WDR70: variants seen among roughly 807,000 people sequenced by gnomAD.
The protein encoded by WDR70 is WD repeat domain 70, also known as WD repeat-containing protein 70.
In WDR70, 53 loss-of-function variants were observed where a neutral mutation model predicts 88.6. That is an observed-to-expected ratio of 0.60 (90% CI 0.48 to 0.75). The LOEUF (loss-of-function observed/expected upper bound fraction) is 0.75. WDR70 is among the 30% of genes least tolerant of loss of function. The probability of loss-of-function intolerance (pLI) is 0.00; values close to 1 mark genes in which losing one functional copy is unlikely to be tolerated. For missense variants in WDR70, 610 were observed against 823.2 expected (o/e 0.74, Z 3.17); for synonymous variants, 280 against 270.0 (o/e 1.04, Z -0.36).
intron 9 of WDR70, among the ~76,000 whole-genome samples, chr5:37,575,282 C>T (rs1015421356): frequency 6.6e-6 from 1 of 152,082 alleles, no homozygotes; most frequent in East Asian, 1.9e-4. Context: ...TCCTAAAACC[C>T]TTGTAATTTT....
rs56377809 is a variant in WDR70, at chr5:37,503,206, C to T, written c.841-13308C>T. ...GGTATCAGGATGATAATACAGGCTT[C>T]ATAGAATGAGTTAGAGAGGATTCCC... On this transcript the variant is annotated intron_variant, in intron 8 of 17. Transcript: ENST00000265107. Among the ~76,000 whole-genome samples, 672 of 152,180 alleles carry T rather than the reference C, an allele frequency of 4.4e-3. 5 individuals carry two copies. Among genetic ancestry groups the T allele is most frequent in the Admixed American group, 6.9e-3 (105 of 15,290 alleles).
intron 10 of WDR70, among the ~76,000 whole-genome samples, chr5:37,634,736 T>A (rs1366961204): frequency 6.6e-6 from 1 of 152,160 alleles, no homozygotes; most frequent in Non-Finnish European, 1.5e-5. Flanking sequence ...CTACACAACT[T>A]GGTAAATGTT....
At chr5:37,721,271 T>C (rs1241985844) in intron 14 of WDR70, 56 bp downstream of exon 14, 17 of 1,431,638 alleles carry the variant, frequency 1.2e-5, no homozygotes, top group Non-Finnish European at 1.7e-5. Flanking sequence ...GGGGAGGGAT[T>C]TCCCTCCCAC....
At chr5:37,459,313 G>C (rs1738926969) in intron 7 of WDR70, among the ~76,000 whole-genome samples, 1 of 144,614 alleles carries the variant, frequency 6.9e-6, no homozygotes, top group Non-Finnish European at 1.5e-5. Context: ...TTTGATTTGG[G>C]GTGGAGAGTT....
At chr5:37,551,088 G>A (rs538563250) in intron 9 of WDR70, among the ~76,000 whole-genome samples, 2 of 151,812 alleles carry the variant, frequency 1.3e-5, no homozygotes, top group South Asian at 4.2e-4. Flanking sequence ...TGGATCACCT[G>A]AGGTCAGGAG....
intron 7 of WDR70, 131 bp from the exon 8 acceptor site, chr5:37,479,703 A>G: frequency 1.8e-6 from 2 of 1,086,782 alleles, no homozygotes; most frequent in Non-Finnish European, 2.6e-6. Flanking sequence ...TTTGAGGTTG[A>G]TGTTCCTGAT....
rs574865091 is a variant in WDR70 at position 37,575,835 on chromosome 5, A to G, written c.918-29229A>G. Among the ~76,000 whole-genome samples the G allele has an allele frequency of 4.5e-4, 68 of 152,310 alleles. 2 individuals carry two copies. Among genetic ancestry groups the G allele is most frequent in the Non-Finnish European group, 4.3e-4 (29 of 68,016 alleles). ...GAAATACCAGCAAACCAAACTTGCGATTGGCATCTGAAATGGGGGCTGTCT... is the reference window on the plus strand; with the variant it reads ...GAAATACCAGCAAACCAAACTTGCGGTTGGCATCTGAAATGGGGGCTGTCT... On this transcript the variant is annotated intron_variant, in intron 9 of 17. Coordinates refer to ENST00000265107, the MANE Select transcript of WDR70 (RefSeq NM_018034.4).
chr5:37,745,373 C>G (rs912375531), intron 17 of WDR70, among the ~76,000 whole-genome samples: 2 of 150,354 alleles, frequency 1.3e-5, no homozygotes, highest in Non-Finnish European at 1.5e-5. Context: ...ATCTAGTGTG[C>G]AAAGTAACCA....
chr5:37,606,812 G>A (rs1412689828), intron 10 of WDR70, among the ~76,000 whole-genome samples: 1 of 149,482 alleles, frequency 6.7e-6, no homozygotes, highest in Non-Finnish European at 1.5e-5. Flanking sequence ...AACAAATCAA[G>A]TTGAAAAGAA....
At chr5:37,421,519 C>G (rs1749946369) in intron 5 of WDR70, among the ~76,000 whole-genome samples, 1 of 152,138 alleles carries the variant, frequency 6.6e-6, no homozygotes, top group African/African-American at 2.4e-5. Flanking sequence ...AGCATTTTCT[C>G]CTTGTGAAAA....
intron 9 of WDR70, among the ~76,000 whole-genome samples, chr5:37,564,681 G>A (rs990973047): frequency 2.6e-5 from 4 of 152,072 alleles, no homozygotes; most frequent in Non-Finnish European, 5.9e-5. Flanking sequence ...TCTTAAGACT[G>A]CAGATAGAAA....
chr5:37,559,543 AG>A (rs1347435582), intron 9 of WDR70, among the ~76,000 whole-genome samples: 1 of 152,148 alleles, frequency 6.6e-6, no homozygotes, highest in Non-Finnish European at 1.5e-5. Flanking sequence ...GTTAGTCAGT[AG>A]GAGTATAAAG....
At chr5:37,521,418 A>G (rs1426660545) in intron 9 of WDR70, among the ~76,000 whole-genome samples, 1 of 152,148 alleles carries the variant, frequency 6.6e-6, no homozygotes, top group Non-Finnish European at 1.5e-5. Flanking sequence ...GATGATTTCT[A>G]AGATTTTGGT....
chr5:37,678,013 G>A (rs1421706872), intron 10 of WDR70, among the ~76,000 whole-genome samples: 3 of 152,072 alleles, frequency 2.0e-5, no homozygotes, highest in Non-Finnish European at 4.4e-5. Flanking sequence ...TTTGATCTTT[G>A]TTGGTTTAAT....
chr5:37,441,688 C>A (rs562940159), intron 6 of WDR70, among the ~76,000 whole-genome samples: 9 of 152,044 alleles, frequency 5.9e-5, no homozygotes, highest in African/African-American at 1.9e-4. Context: ...CGTGGTGCTA[C>A]GTGCCTGTCA....
intron 9 of WDR70, among the ~76,000 whole-genome samples, chr5:37,558,792 A>G (rs1742394919): frequency 6.6e-6 from 1 of 152,136 alleles, no homozygotes; most frequent in Admixed American, 6.5e-5. Flanking sequence ...CCACAGCGAT[A>G]TCATTTTCAA....
chr5:37,547,766 T>G (rs1742037649), intron 9 of WDR70, among the ~76,000 whole-genome samples: 1 of 152,156 alleles, frequency 6.6e-6, no homozygotes, highest in Admixed American at 6.5e-5. Flanking sequence ...TTGGTACCCA[T>G]TAATCATCCC....
intron 5 of WDR70, among the ~76,000 whole-genome samples, chr5:37,431,016 G>C (rs1046437873): frequency 6.6e-6 from 1 of 151,994 alleles, no homozygotes; most frequent in Non-Finnish European, 1.5e-5. Context: ...ACCATGTCTG[G>C]CTAATTTTTG....
At chr5:37,691,422 C>G (rs1746791157) in intron 10 of WDR70, among the ~76,000 whole-genome samples, 1 of 152,186 alleles carries the variant, frequency 6.6e-6, no homozygotes, top group African/African-American at 2.4e-5. Flanking sequence ...TTCTCAGCAC[C>G]ACATCAAACT....
Sources: gnomAD v4.1 joint callset for allele counts (sites outside exome capture counted in the v4.1 genomes callset) on GRCh38, gnomAD v4.1.1 for gene constraint, MANE v1.5 for transcripts, NCBI Gene and HGNC (gene_info 2026-07-23, HGNC 2026-07-21) for gene names.